CDH9: variants seen among roughly 807,000 people sequenced by gnomAD.
CDH9 encodes cadherin 9.
CDH9 carries 28 observed loss-of-function variants against 70.9 expected under a neutral mutation model. The ratio of observed to expected loss-of-function variants is 0.40; its 90% CI spans 0.29 to 0.54. The LOEUF is 0.54. Among genes scored for constraint, CDH9 ranks in the 20% least tolerant of loss-of-function variants. The pLI is 0.59. For missense variants in CDH9, 874 were observed against 984.4 expected, an observed-to-expected ratio of 0.89 and a Z score of 1.50; for synonymous variants, 409 against 343.1, an observed-to-expected ratio of 1.19 and a Z score of -2.12.
chr5:27,003,108 C>T (rs1222420080), intron 1 of CDH9, among the ~76,000 whole-genome samples: 3 of 151,972 alleles, frequency 2.0e-5, no homozygotes, highest in Admixed American at 1.3e-4. Flanking sequence ...ATGAGTTGAG[C>T]ATTTCAAAGC....
At chr5:26,946,442 C>A (rs1029334978) in intron 2 of CDH9, among the ~76,000 whole-genome samples, 1 of 147,558 alleles carries the variant, frequency 6.8e-6, no homozygotes, top group Admixed American at 6.6e-5. Flanking sequence ...TCATAACTAA[C>A]GTACCCATTT....
At chr5:26,921,059 G>A (rs1323571224) in intron 2 of CDH9, among the ~76,000 whole-genome samples, 24 of 152,150 alleles carry the variant, frequency 1.6e-4, no homozygotes, top group Admixed American at 1.5e-3. Context: ...AGAGCTATCT[G>A]ACCTTTCAAA....
Position 26,988,250 on chromosome 5 carries a change from A to C in CDH9, c.84T>G (p.Pro28=). Residue 28 remains proline (P), a synonymous_variant, in exon 2 of 12, where the codon CCT becomes CCG. Transcript: ENST00000231021. ...TVDTILLQEK[P]NSYLSSKKIA... ...TCTTTTTGCTTGATAAATAACTGTT[A>C]GGTTTTTCTTGTAATAGGATGGTGT... 1 of 1,613,432 alleles carries C rather than the reference A, an allele frequency of 6.2e-7. No homozygotes were observed. The highest frequency in any genetic ancestry group is 8.5e-7 in the Non-Finnish European group (1 of 1,179,562).
intron 2 of CDH9, among the ~76,000 whole-genome samples, chr5:26,922,437 T>C (rs1171742232): frequency 2.0e-5 from 3 of 151,982 alleles, no homozygotes; most frequent in African/African-American, 7.3e-5. Flanking sequence ...GCACAACATA[T>C]TTAAAGTGCT....
chr5:26,927,980 A>G (rs1473705516), intron 2 of CDH9, among the ~76,000 whole-genome samples: 2 of 152,078 alleles, frequency 1.3e-5, no homozygotes, highest in African/African-American at 4.8e-5. Flanking sequence ...AAAACAGTTG[A>G]CTCTGTCAAA....
intron 2 of CDH9, among the ~76,000 whole-genome samples, chr5:26,936,755 T>G (rs1034871057): frequency 9.2e-5 from 14 of 151,956 alleles, no homozygotes; most frequent in African/African-American, 3.4e-4. Context: ...TATAGTCAAC[T>G]GATCTCTCAC....
intron 1 of CDH9, among the ~76,000 whole-genome samples, chr5:26,990,249 A>G (rs1742558722): frequency 6.6e-6 from 1 of 152,174 alleles, no homozygotes. Context: ...GGTAATTGGC[A>G]GGTGGTATTA....
chr5:26,979,052 T>C (rs1742351683), intron 2 of CDH9, among the ~76,000 whole-genome samples: 1 of 151,720 alleles, frequency 6.6e-6, no homozygotes, highest in Non-Finnish European at 1.5e-5. Context: ...TTCTGAACTA[T>C]AGATAAGAAT....
At chr5:26,943,193 C>G (rs975077968) in intron 2 of CDH9, among the ~76,000 whole-genome samples, 3 of 152,114 alleles carry the variant, frequency 2.0e-5, no homozygotes, top group Admixed American at 2.0e-4. Flanking sequence ...ACCTCATACT[C>G]CAACCACACA....
chr5:26,957,030 C>T (rs1296965729), intron 2 of CDH9, among the ~76,000 whole-genome samples: 6 of 147,732 alleles, frequency 4.1e-5, no homozygotes, highest in Non-Finnish European at 8.9e-5. Flanking sequence ...TCACTTTGGC[C>T]ATTTAATTAC....
intron 3 of CDH9, among the ~76,000 whole-genome samples, chr5:26,908,485 A>G (rs1339570179): frequency 6.6e-6 from 1 of 152,200 alleles, no homozygotes; most frequent in Non-Finnish European, 1.5e-5. Context: ...TAGTTCGTTC[A>G]TCAATTTTAG....
chr5:27,032,275 A>G (rs1743322104), intron 1 of CDH9, among the ~76,000 whole-genome samples: 1 of 151,628 alleles, frequency 6.6e-6, no homozygotes, highest in South Asian at 2.1e-4. Flanking sequence ...TATATTTATT[A>G]CAAGTGTAAT....
intron 1 of CDH9, among the ~76,000 whole-genome samples, chr5:26,991,366 A>G (rs550862671): frequency 5.7e-4 from 87 of 152,346 alleles, no homozygotes; most frequent in African/African-American, 2.0e-3. Flanking sequence ...GCCCACATGC[A>G]CAGGATGCCT....
chr5:26,944,657 A>G (rs1386145936), intron 2 of CDH9, among the ~76,000 whole-genome samples: 2 of 152,280 alleles, frequency 1.3e-5, no homozygotes, highest in East Asian at 3.9e-4. Context: ...TCACAAAATA[A>G]ATAGATAAAT....
At chr5:26,893,707 AT>A (rs1740700018) in intron 7 of CDH9, among the ~76,000 whole-genome samples, 8 of 88,342 alleles carry the variant, frequency 9.1e-5, no homozygotes, top group Admixed American at 6.1e-4. Context: ...TTTTATTTTT[AT>A]TTTTGGAAGC....
chr5:26,927,584 A>G (rs1048085127), intron 2 of CDH9, among the ~76,000 whole-genome samples: 1 of 152,018 alleles, frequency 6.6e-6, no homozygotes, highest in African/African-American at 2.4e-5. Flanking sequence ...CCCACATCCC[A>G]CATGTATCAT....
chr5:26,941,809 G>A (rs1741666463), intron 2 of CDH9, among the ~76,000 whole-genome samples: 1 of 152,164 alleles, frequency 6.6e-6, no homozygotes, highest in Non-Finnish European at 1.5e-5. Flanking sequence ...CAAGGAAACT[G>A]GGTAATTTAC....
At chr5:26,948,077 C>A (rs1283541954) in intron 2 of CDH9, among the ~76,000 whole-genome samples, 1 of 151,840 alleles carries the variant, frequency 6.6e-6, no homozygotes, top group African/African-American at 2.4e-5. Context: ...TATTCACAGA[C>A]TTTTAGGCTA....
At chr5:26,899,216 T>C (rs1740807893) in intron 7 of CDH9, among the ~76,000 whole-genome samples, 1 of 152,134 alleles carries the variant, frequency 6.6e-6, no homozygotes, top group Non-Finnish European at 1.5e-5. Context: ...TTTTACACTG[T>C]TGGTGGGAAT....
Sources: allele counts gnomAD v4.1 joint callset (sites outside exome capture counted in the v4.1 genomes callset), GRCh38; gene constraint gnomAD v4.1.1; transcripts MANE v1.5; gene names NCBI Gene and HGNC (gene_info 2026-07-23, HGNC 2026-07-21).